Variants in DCHS2 observed in about 807,000 individuals in gnomAD.
DCHS2 encodes the protein dachsous cadherin-related 2.
In DCHS2, 142 loss-of-function variants were observed where a neutral mutation model predicts 182.4. That is an observed-to-expected ratio of 0.78 (90% CI 0.68 to 0.89). DCHS2 has a LOEUF of 0.89. DCHS2 is among the 40% of genes least tolerant of loss of function. DCHS2 has a pLI of 0.00. For missense variants in DCHS2, 4,319 were observed against 4,198.6 expected, an observed-to-expected ratio of 1.03 and a Z score of -0.79; for synonymous variants, 1,740 against 1,663.3, an observed-to-expected ratio of 1.05 and a Z score of -1.12.
intron 14 of DCHS2, among the ~76,000 whole-genome samples, chr4:154,263,519 C>T (rs964310533): frequency 1.3e-5 from 2 of 151,664 alleles, no homozygotes; most frequent in Non-Finnish European, 2.9e-5. Context: ...CATTTTTGTT[C>T]CAAAGATTTC....
intron 13 of DCHS2, among the ~76,000 whole-genome samples, chr4:154,277,552 G>C (rs931973712): frequency 6.7e-6 from 1 of 148,742 alleles, no homozygotes; most frequent in Non-Finnish European, 1.5e-5. Flanking sequence ...AGGCTGATTG[G>C]TAAAGATCTT....
intron 16 of DCHS2, among the ~76,000 whole-genome samples, chr4:154,247,816 T>C (rs573613155): frequency 4.6e-5 from 7 of 152,276 alleles, no homozygotes; most frequent in Middle Eastern, 6.8e-3. Context: ...TAAAGACATT[T>C]TCAGACATGC....
intron 1 of DCHS2, among the ~76,000 whole-genome samples, chr4:154,410,454 G>T: frequency 1.0e-5 from 1 of 95,892 alleles, no homozygotes; most frequent in South Asian, 3.4e-4. Flanking sequence ...TAGGTATTTT[G>T]AAAATACCCA....
At chr4:154,341,732 T>A (rs1313795945) in intron 3 of DCHS2, among the ~76,000 whole-genome samples, 6 of 152,164 alleles carry the variant, frequency 3.9e-5, no homozygotes, top group Non-Finnish European at 2.9e-5. Flanking sequence ...AGGCTCTAAG[T>A]AATTTTTCAA....
intron 10 of DCHS2, among the ~76,000 whole-genome samples, chr4:154,310,387 T>C (rs1012548555): frequency 1.3e-5 from 2 of 152,220 alleles, no homozygotes; most frequent in African/African-American, 2.4e-5. Flanking sequence ...CTTTGATTGG[T>C]TGGATTCAAT....
At chr4:154,242,519 A>G in intron 17 of DCHS2, 123 bp downstream of exon 17, 2 of 1,341,944 alleles carry the variant, frequency 1.5e-6, no homozygotes, top group African/African-American at 1.5e-5. Context: ...GAAGACAAAA[A>G]TGATCTAGTT....
intron 1 of DCHS2, among the ~76,000 whole-genome samples, chr4:154,427,461 A>G (rs1339903683): frequency 1.3e-5 from 2 of 152,132 alleles, no homozygotes; most frequent in African/African-American, 2.4e-5. Flanking sequence ...TCCTTTTTCC[A>G]TCCATGACTA....
intron 2 of DCHS2, 88 bp from the exon 3 acceptor site, chr4:154,366,529 G>C: frequency 1.2e-6 from 1 of 861,648 alleles, no homozygotes; most frequent in South Asian, 1.5e-5. Context: ...CAATAGTCTT[G>C]AAACAACAGA....
chr4:154,432,030 C>T (rs1471931306), intron 1 of DCHS2, among the ~76,000 whole-genome samples: 1 of 152,214 alleles, frequency 6.6e-6, no homozygotes, highest in African/African-American at 2.4e-5. Flanking sequence ...AAGGTATAAA[C>T]CACCTGTGCC....
chr4:154,423,236 A>T (rs1733183524), intron 1 of DCHS2, among the ~76,000 whole-genome samples: 1 of 152,172 alleles, frequency 6.6e-6, no homozygotes, highest in Non-Finnish European at 1.5e-5. Context: ...CAATGCTAAC[A>T]TTTGACCAAT....
At chr4:154,384,532 C>A (rs1731316461) in intron 1 of DCHS2, 1 of 1,546,184 alleles carries the variant, frequency 6.5e-7, no homozygotes, top group African/African-American at 1.4e-5. Context: ...TCCCCAGAAC[C>A]TATGACTATT....
intron 1 of DCHS2, among the ~76,000 whole-genome samples, chr4:154,425,814 T>C (rs761385935): frequency 1.3e-4 from 20 of 152,210 alleles, no homozygotes; most frequent in Non-Finnish European, 2.6e-4. Flanking sequence ...CCCAGCCAAG[T>C]GTGGCTAATT....
At chr4:154,324,429 G>A (rs1395938958) in intron 7 of DCHS2, among the ~76,000 whole-genome samples, 1 of 152,124 alleles carries the variant, frequency 6.6e-6, no homozygotes, top group East Asian at 1.9e-4. Flanking sequence ...GGTTTTGGGA[G>A]AACATATTTG....
intron 13 of DCHS2, among the ~76,000 whole-genome samples, chr4:154,288,945 A>AAATTTTCTTTTAAAT (rs1734530885): frequency 6.6e-6 from 1 of 152,116 alleles, no homozygotes; most frequent in Non-Finnish European, 1.5e-5. Context: ...AGTAAAGTTT[A>AAATTTTCTTTTAAAT]TAGCTGTAAG....
At chr4:154,458,008 A>T (rs1734844615) in intron 1 of DCHS2, among the ~76,000 whole-genome samples, 1 of 152,180 alleles carries the variant, frequency 6.6e-6, no homozygotes, top group African/African-American at 2.4e-5. Flanking sequence ...ATCAATCTTC[A>T]GTCATATACA....
At chr4:154,351,384 G>A (rs1408993110) in intron 3 of DCHS2, among the ~76,000 whole-genome samples, 1 of 152,104 alleles carries the variant, frequency 6.6e-6, no homozygotes, top group Non-Finnish European at 1.5e-5. Flanking sequence ...TTCAAAAATT[G>A]CAGAAATTAA....
intron 1 of DCHS2, among the ~76,000 whole-genome samples, chr4:154,415,251 A>C (rs1483735500): frequency 6.6e-6 from 1 of 152,244 alleles, no homozygotes; most frequent in Non-Finnish European, 1.5e-5. Context: ...ATTCATTTCT[A>C]ATCTTCTCTC....
intron 1 of DCHS2, among the ~76,000 whole-genome samples, chr4:154,388,362 T>C (rs936833742): frequency 5.3e-5 from 8 of 151,824 alleles, no homozygotes; most frequent in Admixed American, 4.6e-4. Flanking sequence ...ATCCCATTTA[T>C]GCAAAAAAAT....
chr4:154,463,504 C>T (rs535898619), intron 1 of DCHS2, among the ~76,000 whole-genome samples: 4 of 151,988 alleles, frequency 2.6e-5, no homozygotes, highest in East Asian at 1.9e-4. Context: ...AAAAACTGTA[C>T]GCTAACAATT....
Sources: allele counts gnomAD v4.1 joint callset (sites outside exome capture counted in the v4.1 genomes callset), GRCh38; gene constraint gnomAD v4.1.1; transcripts MANE v1.5; gene names NCBI Gene and HGNC (gene_info 2026-07-23, HGNC 2026-07-21).